Variants in TPST2 observed in about 807,000 individuals in gnomAD.
TPST2 encodes the protein tyrosylprotein sulfotransferase 2, also known as protein-tyrosine sulfotransferase 2.
TPST2 carries 16 observed loss-of-function variants against 27.8 expected under a neutral mutation model. The observed-to-expected ratio is 0.58, with a 90% CI of 0.39 to 0.88. The LOEUF is 0.88. Among genes scored for constraint, TPST2 ranks in the 40% least tolerant of loss-of-function variants. The probability of loss-of-function intolerance (pLI) is 0.00; values close to 1 mark genes in which losing one functional copy is unlikely to be tolerated. For missense variants in TPST2, 464 were observed against 543.1 expected (o/e 0.85, Z 1.45); for synonymous variants, 229 against 231.7 (o/e 0.99, Z 0.10).
intron 2 of TPST2, chr22:26,543,004 A>G (rs1341597247): frequency 1.3e-5 from 2 of 152,310 alleles, no homozygotes; most frequent in East Asian, 3.8e-4. Flanking sequence ...TGGGGTGGAA[A>G]CTGCTAAGAG....
At chr22:26,540,326 G>A (rs1388754085) in intron 3 of TPST2, among the ~76,000 whole-genome samples, 1 of 152,202 alleles carries the variant, frequency 6.6e-6, no homozygotes, top group East Asian at 1.9e-4. Context: ...TAGGCTGGGT[G>A]TGGTGGCTCA....
intron 1 of TPST2, among the ~76,000 whole-genome samples, chr22:26,559,596 C>T (rs1286337161): frequency 1.4e-4 from 21 of 152,164 alleles, no homozygotes. Flanking sequence ...CTCTACTTTC[C>T]GTCTCTATGA....
chr22:26,580,580 C>T (rs7285019), intron 1 of TPST2, among the ~76,000 whole-genome samples: 50,878 of 152,114 alleles, frequency 0.33, 8,999 homozygotes, highest in Admixed American at 0.43. Flanking sequence ...TTCAATGGAT[C>T]CAATATTTTT....
chr22:26,555,281 A>G, intron 1 of TPST2: 1 of 525,014 alleles, frequency 1.9e-6, no homozygotes, highest in Non-Finnish European at 3.9e-6. Flanking sequence ...AATACCAAAG[A>G]CCGCAATTAC....
intron 1 of TPST2, among the ~76,000 whole-genome samples, chr22:26,561,544 T>A (rs1419341216): frequency 2.2e-5 from 3 of 138,854 alleles, no homozygotes; most frequent in Non-Finnish European, 4.8e-5. Flanking sequence ...ACTCTGTAAT[T>A]GCAAAAAGAA....
intron 1 of TPST2, among the ~76,000 whole-genome samples, chr22:26,588,778 C>T (rs866761614): frequency 6.6e-6 from 1 of 152,020 alleles, no homozygotes; most frequent in East Asian, 1.9e-4. Context: ...CTACTAAATC[C>T]GGTGTGTCAC....
At chr22:26,583,613 T>C (rs1928210060) in intron 1 of TPST2, among the ~76,000 whole-genome samples, 1 of 151,390 alleles carries the variant, frequency 6.6e-6, no homozygotes. Flanking sequence ...CCCAGCACTT[T>C]GGGAGGCCAA....
At chr22:26,566,864 C>T (rs1927402938) in intron 1 of TPST2, among the ~76,000 whole-genome samples, 1 of 152,190 alleles carries the variant, frequency 6.6e-6, no homozygotes, top group South Asian at 2.1e-4. Context: ...TGTAATTGTC[C>T]ATCTTGGAGT....
chr22:26,576,266 TC>T (rs1365397333), intron 1 of TPST2, among the ~76,000 whole-genome samples: 3 of 151,394 alleles, frequency 2.0e-5, no homozygotes, highest in Non-Finnish European at 2.9e-5. Context: ...GAGCTGGTCT[TC>T]TTGAAACACC....
intron 1 of TPST2, among the ~76,000 whole-genome samples, chr22:26,546,596 G>T (rs1157430060): frequency 1.3e-5 from 2 of 152,268 alleles, no homozygotes; most frequent in Admixed American, 6.5e-5. Context: ...TGTCAGGGCT[G>T]TCAGTCATTT....
intron 4 of TPST2, among the ~76,000 whole-genome samples, chr22:26,533,441 A>G (rs1241767475): frequency 1.3e-5 from 2 of 152,100 alleles, no homozygotes; most frequent in Non-Finnish European, 2.9e-5. Flanking sequence ...ATAAATAAAA[A>G]TAAAAAGGGC....
Position 26,536,485 on chromosome 22 carries a change from T to A in TPST2, c.844A>T (p.Ile282Phe). The A allele has an allele frequency of 6.6e-7, 1 of 1,521,326 alleles. No individual in the cohort carries two copies. Among genetic ancestry groups the A allele is most frequent in the Non-Finnish European group, 8.8e-7 (1 of 1,134,890 alleles). 94.2% of individuals were successfully genotyped at this position (1,521,326 alleles called of 1,614,324 possible). A position where few individuals can be genotyped will look rare whatever the true frequency, so the allele number is the denominator to read the frequency against. The change falls in exon 4 of 7, where the codon ATC (isoleucine) becomes TTC (phenylalanine). Residue 282 changes from isoleucine (I) to phenylalanine (F), a missense_variant and splice_region_variant. Transcript: ENST00000338754. ...ATGACCTGGTCCGTGGACCGCTCGATCCTGGGGAGAGAGGAGACGCTGGAG... is the reference window on the plus strand; with the variant it reads ...ATGACCTGGTCCGTGGACCGCTCGAACCTGGGGAGAGAGGAGACGCTGGAG... Reference protein sequence around the residue: ...GKPGGVSLSKIERSTDQVIKP... With the variant: ...GKPGGVSLSKFERSTDQVIKP...
chr22:26,523,020 G>A lies in TPST2; in HGVS notation c.*3255C>T, dbSNP rs1468751833. ...AGGTTGCAGTGAGCTGTGTTTGCAG[G>A]AGTTAGAGGTTGCAGTGAGCTGTGT... On this transcript the variant is annotated 3_prime_UTR_variant, in exon 7 of 7. Transcript: ENST00000338754. The A allele has an allele frequency of 6.6e-6, 1 of 151,918 alleles. No homozygotes were observed. Among genetic ancestry groups the A allele is most frequent in the Non-Finnish European group, 1.5e-5 (1 of 68,022 alleles). The allele number at this position is 151,918 out of a possible 1,614,324, so 9.4% of individuals were successfully genotyped here.
chr22:26,564,076 C>T (rs958541652), intron 1 of TPST2, among the ~76,000 whole-genome samples: 3 of 152,144 alleles, frequency 2.0e-5, no homozygotes, highest in South Asian at 2.1e-4. Flanking sequence ...CGGAGGTTGC[C>T]GTTTTTGCCA....
At position 26,532,729 on chromosome 22, in the gene TPST2, T is replaced by C; in HGVS notation, c.1058A>G (p.Tyr353Cys). Residue 353 changes from tyrosine to cysteine, a missense_variant, in exon 5 of 7, where the codon TAT becomes TGT. By Grantham distance (194) the Tyr-to-Cys change is radical (BLOSUM62 -2). Transcript: ENST00000338754. ...NNTQRVLKGD[Y>C]KTPANLKGYF... ...TCCTTTCAGATTGGCTGGTGTTTTATAGTCCCCTTTCAAGACCTAAGGAAG... is the reference window on the plus strand; with the variant it reads ...TCCTTTCAGATTGGCTGGTGTTTTACAGTCCCCTTTCAAGACCTAAGGAAG... 5.6e-6 allele frequency: 9 copies of C among 1,613,988 alleles called. No individual in the cohort carries two copies. Among genetic ancestry groups the C allele is most frequent in the South Asian group, 2.2e-5 (2 of 91,030 alleles).
At chr22:26,555,121 G>C (rs189699197) in intron 1 of TPST2, 16 of 527,904 alleles carry the variant, frequency 3.0e-5, no homozygotes, top group Admixed American at 2.7e-4. Flanking sequence ...GTGGAGCTGA[G>C]GGAATTTGCA....
intron 1 of TPST2, among the ~76,000 whole-genome samples, chr22:26,575,770 C>T (rs74668872): frequency 0.13 from 19,621 of 152,102 alleles, 1,808 homozygotes; most frequent in East Asian, 0.29. Flanking sequence ...CCAAGGTGGG[C>T]GGATCATGAG....
At chr22:26,546,464 C>T (rs1926131936) in intron 1 of TPST2, among the ~76,000 whole-genome samples, 1 of 152,230 alleles carries the variant, frequency 6.6e-6, no homozygotes, top group Non-Finnish European at 1.5e-5. Flanking sequence ...CAGCTGCCCT[C>T]AGACAGCTCT....
At chr22:26,589,773 C>T (rs1928483708) in intron 1 of TPST2, among the ~76,000 whole-genome samples, 2 of 152,160 alleles carry the variant, frequency 1.3e-5, no homozygotes, top group Non-Finnish European at 2.9e-5. Flanking sequence ...GCGCTGGGTC[C>T]GAAGCGGGAA....
Sources: allele counts gnomAD v4.1 joint callset (sites outside exome capture counted in the v4.1 genomes callset), GRCh38; gene constraint gnomAD v4.1.1; transcripts MANE v1.5; gene names NCBI Gene and HGNC (gene_info 2026-07-23, HGNC 2026-07-21).